ATXN3: variants seen among roughly 807,000 people sequenced by gnomAD.
ATXN3 encodes the protein ataxin-3.
Under a neutral mutation model 58.2 loss-of-function variants are expected in ATXN3, and 28 were observed. That is an observed-to-expected ratio of 0.48 (90% CI 0.36 to 0.66). The LOEUF (loss-of-function observed/expected upper bound fraction) is 0.66. ATXN3 is among the 30% of genes least tolerant of loss of function. The pLI is 0.00. For missense variants in ATXN3, 321 were observed against 422.1 expected (o/e 0.76, Z 2.10); for synonymous variants, 113 against 138.5 (o/e 0.82, Z 1.29).
chr14:92,095,327 T>C (rs555906302), intron 3 of ATXN3, among the ~76,000 whole-genome samples: 9 of 152,214 alleles, frequency 5.9e-5, no homozygotes, highest in African/African-American at 2.2e-4. Context: ...CACTGCAACC[T>C]ACGACTCCCT....
chr14:92,063,866 G>A lies in ATXN3; in HGVS notation c.*454C>T, dbSNP rs1432316677. The stretch of plus-strand genomic sequence containing the variant: ...CATTACTATTATCAACATCAGGAAA[G>A]TAGAGATACTTTCCTGAAAGGTTAA... On this transcript the variant is annotated 3_prime_UTR_variant, in exon 11 of 11. Coordinates refer to ENST00000644486, the MANE Select transcript of ATXN3 (RefSeq NM_004993.6). 2 of 154,946 alleles carry A rather than the reference G, an allele frequency of 1.3e-5. No individual in the cohort carries two copies. The highest frequency in any genetic ancestry group is 2.9e-5 in the Non-Finnish European group (2 of 70,164). The allele number at this position is 154,946 out of a possible 1,614,324, so 9.6% of individuals were successfully genotyped here.
intron 8 of ATXN3, among the ~76,000 whole-genome samples, chr14:92,081,492 A>G (rs1247779055): frequency 4.2e-5 from 6 of 144,400 alleles, no homozygotes; most frequent in East Asian, 2.0e-4. Context: ...AAAAAGAAAG[A>G]AAAAAAAAAA....
intron 1 of ATXN3, 32 bp downstream of exon 1, chr14:92,106,497 C>G (rs2068454473): frequency 1.2e-6 from 2 of 1,612,938 alleles, no homozygotes; most frequent in Admixed American, 1.7e-5. Flanking sequence ...CACCGCGCGG[C>G]AGACAGCTCC....
chr14:92,078,323 G>T (rs2060806457), intron 9 of ATXN3, among the ~76,000 whole-genome samples: 1 of 151,114 alleles, frequency 6.6e-6, no homozygotes, highest in African/African-American at 2.4e-5. Flanking sequence ...TAGAATGTTA[G>T]TTTTTCTAAT....
intron 3 of ATXN3, among the ~76,000 whole-genome samples, chr14:92,095,882 C>T (rs916107488): frequency 2.6e-5 from 4 of 151,744 alleles, no homozygotes; most frequent in African/African-American, 4.8e-5. Context: ...GCAGAGGCTA[C>T]AGTGAGCCAA....
At chr14:92,050,205 T>C (rs1223004240), upstream of ATXN3, 1 of 150,942 alleles carries the variant, frequency 6.6e-6, no homozygotes, top group Admixed American at 6.6e-5. Context: ...ATAATAGAGG[T>C]GGGATAGGTG....
downstream of ATXN3, among the ~76,000 whole-genome samples, chr14:92,053,958 C>T (rs779028754): frequency 2.6e-5 from 4 of 151,246 alleles, no homozygotes; most frequent in Non-Finnish European, 5.9e-5. Context: ...TCCCCCGAGA[C>T]GGAGTCTTGC....
At chr14:92,077,348 C>T (rs1416249532) in intron 9 of ATXN3, among the ~76,000 whole-genome samples, 5 of 117,988 alleles carry the variant, frequency 4.2e-5, no homozygotes, top group African/African-American at 1.3e-4. Context: ...TGAGAGTATG[C>T]TTTCTTTTTT....
At chr14:92,090,148 T>C (rs2063468012) in intron 5 of ATXN3, among the ~76,000 whole-genome samples, 1 of 152,150 alleles carries the variant, frequency 6.6e-6, no homozygotes, top group Non-Finnish European at 1.5e-5. Flanking sequence ...GGTCATCTAG[T>C]CTGGAGTGCA....
chr14:92,097,156 GC>G, intron 1 of ATXN3, among the ~76,000 whole-genome samples: 1 of 151,732 alleles, frequency 6.6e-6, no homozygotes. Context: ...TGATCCGCCC[GC>G]CTTGGCCTCC....
chr14:92,073,841 A>C (rs955545840), intron 9 of ATXN3, among the ~76,000 whole-genome samples: 4 of 151,526 alleles, frequency 2.6e-5, no homozygotes, highest in African/African-American at 7.3e-5. Context: ...TCTGTCTCAA[A>C]AAAAACAAAA....
intron 3 of ATXN3, among the ~76,000 whole-genome samples, chr14:92,094,234 C>A (rs1031386945): frequency 6.6e-6 from 1 of 152,062 alleles, no homozygotes; most frequent in Non-Finnish European, 1.5e-5. Context: ...GCCACCACGC[C>A]CAGCCGGCTA....
upstream of ATXN3, among the ~76,000 whole-genome samples, chr14:92,051,907 T>C (rs2140163655): frequency 6.8e-6 from 1 of 146,428 alleles, no homozygotes. Flanking sequence ...TTTGTATTTT[T>C]AGTAGAGACG....
At chr14:92,085,670 G>C (rs931212920) in intron 6 of ATXN3, among the ~76,000 whole-genome samples, 3 of 152,120 alleles carry the variant, frequency 2.0e-5, no homozygotes, top group Non-Finnish European at 4.4e-5. Flanking sequence ...GGATAGCATG[G>C]ATAGAGAGAA....
At chr14:92,075,885 T>G (rs1325411070) in intron 9 of ATXN3, among the ~76,000 whole-genome samples, 1 of 152,222 alleles carries the variant, frequency 6.6e-6, no homozygotes, top group African/African-American at 2.4e-5. Flanking sequence ...CATGTGACTA[T>G]GTAAGATATT....
intron 9 of ATXN3, among the ~76,000 whole-genome samples, chr14:92,079,801 TATCTC>T (rs906938710): frequency 4.6e-5 from 7 of 152,182 alleles, no homozygotes; most frequent in Non-Finnish European, 8.8e-5. Context: ...GCAATGGCGT[TATCTC>T]AGCTCACTGC....
intron 1 of ATXN3, among the ~76,000 whole-genome samples, chr14:92,104,525 T>TAACACATTGTTAAATATGTTAAATTTTA (rs1477158156): frequency 1.3e-5 from 2 of 152,218 alleles, no homozygotes; most frequent in Admixed American, 1.3e-4. Context: ...CCCAACTAGG[T>TAACACATTGTTAAATATGTTAAATTTTA]AACAATATTG....
At chr14:92,092,418 T>A (rs924152364) in intron 5 of ATXN3, among the ~76,000 whole-genome samples, 2 of 152,250 alleles carry the variant, frequency 1.3e-5, no homozygotes, top group Non-Finnish European at 2.9e-5. Context: ...ACATATTTCA[T>A]GTTTTATTTA....
At chr14:92,065,335 A>G (rs2058195617) in intron 10 of ATXN3, among the ~76,000 whole-genome samples, 1 of 152,232 alleles carries the variant, frequency 6.6e-6, no homozygotes. Context: ...CTATGGATGT[A>G]CTACAGTTTG....
Sources: allele counts gnomAD v4.1 joint callset (sites outside exome capture counted in the v4.1 genomes callset), GRCh38; gene constraint gnomAD v4.1.1; transcripts MANE v1.5; gene names NCBI Gene and HGNC (gene_info 2026-07-23, HGNC 2026-07-21).